The following FSD1L variants were observed in gnomAD, a reference collection of about 807,000 sequenced individuals.
FSD1L encodes the protein fibronectin type III and SPRY domain containing 1 like.
Under a neutral mutation model 71.6 loss-of-function variants are expected in FSD1L, and 45 were observed. The observed-to-expected ratio is 0.63, with a 90% CI of 0.49 to 0.81. The LOEUF is 0.81. Ranked by LOEUF, FSD1L falls within the 30% of genes least tolerant of loss-of-function variation. The pLI, the probability that FSD1L is intolerant of heterozygous loss-of-function variation, is 0.00. For missense variants in FSD1L, 561 were observed against 618.1 expected, an observed-to-expected ratio of 0.91 and a Z score of 0.98; for synonymous variants, 197 against 207.2, an observed-to-expected ratio of 0.95 and a Z score of 0.42.
At chr9:105,462,826 A>G (rs566614889) in intron 2 of FSD1L, among the ~76,000 whole-genome samples, 2,242 of 18,656 alleles carry the variant, frequency 0.12, 23 homozygotes, top group Admixed American at 0.15. Flanking sequence ...CACTACTACA[A>G]TACTTTATAT....
chr9:105,526,490 A>G (rs1835520841), intron 10 of FSD1L: 12 of 1,612,344 alleles, frequency 7.4e-6, no homozygotes, highest in Admixed American at 3.3e-5. Flanking sequence ...CCGCATGTCC[A>G]TGAAGCTGCG....
In FSD1L at chr9:105,461,678, T is replaced by A. The variant is rs1830708351; in HGVS notation, c.111+63T>A. 8.1e-6 allele frequency: 8 copies of A among 985,658 alleles called. No individual in the cohort carries two copies. In the South Asian group the frequency reaches 1.2e-4, roughly 14 times the overall value. The allele number at this position is 985,658 out of a possible 1,614,324, so 61.1% of individuals were successfully genotyped here. On this transcript the variant is annotated intron_variant, in intron 2 of 13. Coordinates refer to ENST00000481272, the MANE Select transcript of FSD1L (RefSeq NM_001145313.3). ...AGATCTGATTCAAAATTAGAGCATT[T>A]AGATGTCTTTGACTATACTCATTAA...
Position 105,532,322 on chromosome 9 carries a change from TATG to T in FSD1L, c.1026-2168_1026-2166del, listed in dbSNP as rs1171039971. Reference sequence around the variant, plus strand: ...GTATAAAATGAATCAGAAAGAAAATTATGATACAGTTCTTTTTTCCTGAGTTAT... The same window carrying T: ...GTATAAAATGAATCAGAAAGAAAATTATACAGTTCTTTTTTCCTGAGTTAT... On this transcript the variant is annotated intron_variant, in intron 10 of 13. Transcript: ENST00000481272. Among the ~76,000 whole-genome samples, 5 of 152,220 alleles carry T rather than the reference TATG, an allele frequency of 3.3e-5. No individual in the cohort carries two copies. In the East Asian group the frequency reaches 9.6e-4, roughly 29 times the overall value.
At chr9:105,500,986 G>A (rs919610470) in intron 7 of FSD1L, among the ~76,000 whole-genome samples, 2 of 152,070 alleles carry the variant, frequency 1.3e-5, no homozygotes, top group African/African-American at 4.8e-5. Context: ...AAAATAATTC[G>A]GTAAGAAGCT....
chr9:105,542,759 G>GTT (rs998838749), intron 13 of FSD1L, among the ~76,000 whole-genome samples: 5 of 152,156 alleles, frequency 3.3e-5, no homozygotes, highest in African/African-American at 1.2e-4. Flanking sequence ...TGGTTTTCCT[G>GTT]TTTTTAAGAG....
chr9:105,465,162 A>G (rs1463430369), intron 3 of FSD1L, among the ~76,000 whole-genome samples: 3 of 152,246 alleles, frequency 2.0e-5, no homozygotes, highest in Non-Finnish European at 4.4e-5. Flanking sequence ...AGAGAACTCA[A>G]GATAATCTGG....
intron 4 of FSD1L, among the ~76,000 whole-genome samples, chr9:105,471,254 G>A (rs1453877746): frequency 6.6e-6 from 1 of 152,166 alleles, no homozygotes; most frequent in Non-Finnish European, 1.5e-5. Context: ...TGGCATGAGT[G>A]ATGTTCCAGT....
In FSD1L at chr9:105,530,603, C is replaced by T. The variant is rs78269364; in HGVS notation, c.1026-3890C>T. On this transcript the variant is annotated intron_variant, in intron 10 of 13. Transcript: ENST00000481272. ...GAAATTTTTCTCTTTATTTGTATGA[C>T]GTTCACTTTCTATTTGTTGCCCTGA... 8.9e-3 allele frequency: 6,157 copies of T among 689,132 alleles called. 217 individuals are homozygous for T. The highest frequency in any genetic ancestry group is 0.086 in the East Asian group (3,120 of 36,460). 42.7% of individuals were successfully genotyped at this position (689,132 alleles called of 1,614,324 possible).
chr9:105,491,075 A>G lies in FSD1L; in HGVS notation c.586+6573A>G, dbSNP rs563502615. On this transcript the variant is annotated intron_variant, in intron 7 of 13. Coordinates refer to ENST00000481272, the MANE Select transcript of FSD1L (RefSeq NM_001145313.3). ...TTGGTAGCTTGATGGGGATGGCATT[A>G]AACCTGTAAATTACCTTGGGCAGTA... Among the ~76,000 whole-genome samples the G allele has an allele frequency of 2.0e-5, 3 of 152,318 alleles. No individual in the cohort carries two copies. The South Asian group carries it at 6.2e-4, about 32-fold the overall frequency.
At chr9:105,485,659 T>A (rs1832498673) in intron 7 of FSD1L, among the ~76,000 whole-genome samples, 1 of 151,770 alleles carries the variant, frequency 6.6e-6, no homozygotes, top group African/African-American at 2.4e-5. Flanking sequence ...TTTTTTTTTT[T>A]TTGAGACGGA....
At position 105,549,040 on chromosome 9, in the gene FSD1L, A is replaced by T. The variant is rs1158368418; in HGVS notation, c.*2557A>T. 6.6e-6 allele frequency: 1 copy of T among 152,078 alleles called. No homozygotes were observed. The highest frequency in any genetic ancestry group is 1.5e-5 in the Non-Finnish European group (1 of 67,964). The allele number at this position is 152,078 out of a possible 1,614,324, so 9.4% of individuals were successfully genotyped here. ...AATATTCTCAATTACATTTGAATTT[A>T]AAAATATTGAGCTCTTGATTACAAT... On this transcript the variant is annotated 3_prime_UTR_variant, in exon 14 of 14. Coordinates refer to ENST00000481272, the MANE Select transcript of FSD1L (RefSeq NM_001145313.3).
chr9:105,476,297 C>G (rs1023965778), intron 5 of FSD1L, among the ~76,000 whole-genome samples: 8 of 152,164 alleles, frequency 5.3e-5, no homozygotes, highest in African/African-American at 1.9e-4. Flanking sequence ...TCTCTCTTCC[C>G]TCATTGCCTC....
intron 10 of FSD1L, among the ~76,000 whole-genome samples, chr9:105,515,194 C>T (rs77240998): frequency 6.6e-5 from 10 of 152,266 alleles, no homozygotes; most frequent in East Asian, 3.9e-4. Flanking sequence ...CATCAACGCC[C>T]GCCTACGCTT....
intron 7 of FSD1L, among the ~76,000 whole-genome samples, chr9:105,492,399 A>T (rs1430637221): frequency 2.0e-5 from 3 of 151,610 alleles, no homozygotes; most frequent in Non-Finnish European, 4.4e-5. Flanking sequence ...TTTCTTCTTT[A>T]TTAGTCTTGC....
At chr9:105,442,887 G>A (rs1391734795), upstream of FSD1L, among the ~76,000 whole-genome samples, 2 of 152,176 alleles carry the variant, frequency 1.3e-5, no homozygotes, top group Non-Finnish European at 2.9e-5. Flanking sequence ...CCATCTTCCT[G>A]TAGCTTCCAC....
chr9:105,513,544 G>A, intron 10 of FSD1L: 3 of 1,436,920 alleles, frequency 2.1e-6, no homozygotes, highest in Non-Finnish European at 1.9e-6. Context: ...ATTATAAGCT[G>A]TTAAATTTAA....
chr9:105,461,319 A>T (rs1434579737), intron 1 of FSD1L, among the ~76,000 whole-genome samples: 2 of 152,200 alleles, frequency 1.3e-5, no homozygotes, highest in Non-Finnish European at 1.5e-5. Flanking sequence ...AGATATGCAT[A>T]AGTGTAAAAT....
intron 10 of FSD1L, chr9:105,522,946 G>C (rs1835272317): frequency 6.2e-7 from 1 of 1,613,428 alleles, no homozygotes; most frequent in Admixed American, 1.7e-5. Flanking sequence ...TCTCCTGCCA[G>C]TGCAGGGAGC....
At position 105,513,589 on chromosome 9, in the gene FSD1L, T is replaced by A. The variant is rs1410387341; in HGVS notation, c.1025+653T>A. The A allele has an allele frequency of 2.0e-6, 3 of 1,531,316 alleles. No homozygotes were observed. In the East Asian group the frequency reaches 7.4e-5, roughly 38 times the overall value. 94.9% of individuals were successfully genotyped at this position (1,531,316 alleles called of 1,614,324 possible). A position where few individuals can be genotyped will look rare whatever the true frequency, so the allele number is the denominator to read the frequency against. On this transcript the variant is annotated intron_variant, in intron 10 of 13. Transcript: ENST00000481272. ...CAGTTTCTTAACAGTTGCCTGTTTT[T>A]ATCTGACAGTGTCCATGTTACTTCA...
Sources: allele counts gnomAD v4.1 joint callset (sites outside exome capture counted in the v4.1 genomes callset), GRCh38; gene constraint gnomAD v4.1.1; transcripts MANE v1.5; gene names NCBI Gene and HGNC (gene_info 2026-07-23, HGNC 2026-07-21).